Variants in DHPS observed in about 807,000 individuals in gnomAD.
DHPS encodes the protein migration-inducing gene 13.
In DHPS, 24 loss-of-function variants were observed where a neutral mutation model predicts 38.7. The ratio of observed to expected loss-of-function variants is 0.62; its 90% CI spans 0.45 to 0.87. The LOEUF (loss-of-function observed/expected upper bound fraction) is 0.87. Ranked by LOEUF, DHPS falls within the 40% of genes least tolerant of loss-of-function variation. The pLI, the probability that DHPS is intolerant of heterozygous loss-of-function variation, is 0.00. For missense variants in DHPS, 510 were observed against 497.6 expected (o/e 1.02, Z -0.24); for synonymous variants, 250 against 204.4 (o/e 1.22, Z -1.90).
chr19:12,679,387 G>A (rs923314093), intron 5 of DHPS, 70 bp downstream of exon 5: 18 of 1,394,226 alleles, frequency 1.3e-5, no homozygotes, highest in African/African-American at 8.5e-5. Context: ...GAATCCCCAG[G>A]AGGCTGGAAA....
rs140267918 is a variant in DHPS, at chr19:12,680,269, G to A, written c.264C>T (p.Thr88=). 1 of 1,613,992 alleles carries A rather than the reference G, an allele frequency of 6.2e-7. No individual in the cohort carries two copies. The highest frequency in any genetic ancestry group is 1.3e-5 in the African/African-American group (1 of 74,898). The change falls in exon 2 of 9, where the codon ACC becomes ACT. Residue 88 remains threonine (T), a synonymous_variant. Transcript: ENST00000210060. ...AGCTGGTAAGTGGGCGGCGGCTCTG[G>A]GTCAGGTCCGCGTGCTGGTCTTCAT... The part of the protein sequence containing the change: ...SQDEDQHADL[T]QSRRPLTSCT...
rs762625460 is a variant in DHPS, at chr19:12,675,775, G to A, written c.*63C>T. On this transcript the variant is annotated 3_prime_UTR_variant, in exon 9 of 9. Transcript: ENST00000210060. ...ACGTAGCTGACCAAAAAGTAGGGGA[G>A]GGGCTGGGTCTGCAAATTAATAAAT... 24 of 1,567,856 alleles carry A rather than the reference G, an allele frequency of 1.5e-5. No individual in the cohort carries two copies. The East Asian group carries it at 4.8e-4, about 31-fold the overall frequency.
In DHPS at chr19:12,679,818, C is replaced by T. The variant is rs2024738506; in HGVS notation, c.477G>A (p.Arg159=). The change falls in exon 3 of 9, where the codon CGG becomes CGA. Residue 159 remains arginine (R), a synonymous_variant. Coordinates refer to ENST00000210060, the MANE Select transcript of DHPS (RefSeq NM_001930.4). ...GEFSLRGKEL[R]ENGINRIGNL... ...GTTCTCACCTATTGATCCCGTTCTC[C>T]CGGAGCTCCTTCCCCCTGAGGCTAA... 1 of 1,614,144 alleles carries T rather than the reference C, an allele frequency of 6.2e-7. No individual in the cohort carries two copies.
At chr19:12,673,295 GTTC>G (rs1271042531), downstream of DHPS, 7 of 1,612,322 alleles carry the variant, frequency 4.3e-6, no homozygotes, top group Middle Eastern at 1.6e-4. Flanking sequence ...ACGGGAAGGT[GTTC>G]TTCTGGGACC....
rs150173480 is a variant in DHPS, at chr19:12,676,023, G to A, written c.1008C>T (p.Pro336=). 1.7e-5 allele frequency: 28 copies of A among 1,613,720 alleles called. No individual in the cohort carries two copies. The highest frequency in any genetic ancestry group is 2.7e-5 in the African/African-American group (2 of 74,902). ...SWGKIRVDAQ[P]VKVYADASLV... ...CCACCCAGCCAGCGCTTACCTTGAC[G>A]GGCTGTGCATCCACCCGGATCTTGC... is the stretch of plus-strand genomic sequence containing the variant. Residue 336 remains proline (P), a synonymous_variant, in exon 8 of 9, where the codon CCC becomes CCT. Coordinates refer to ENST00000210060, the MANE Select transcript of DHPS (RefSeq NM_001930.4).
chr19:12,677,349 G>C lies in DHPS; in HGVS notation c.726C>G (p.Gly242=), dbSNP rs371100778. Residue 242 remains glycine (G), a synonymous_variant, in exon 6 of 9, where the codon GGC becomes GGG. Transcript: ENST00000210060. ...FSPALTDGSL[G]DMIFFHSYKN... ...TGTAGGAATGGAAGAAGATCATGTC[G>C]CCCAGCGAGCCGTCTGTAAGTGCGG... 7 of 1,614,126 alleles carry C rather than the reference G, an allele frequency of 4.3e-6. No homozygotes were observed. Among genetic ancestry groups the C allele is most frequent in the Non-Finnish European group, 5.9e-6 (7 of 1,180,022 alleles).
rs2024760584 is a variant in DHPS, at chr19:12,680,255, G to A, written c.278C>T (p.Pro93Leu). ...QHADLTQSRR[P>L]LTSCTIFLGY... ...CAGGAAAATGGTGCAGCTGGTAAGT[G>A]GGCGGCGGCTCTGGGTCAGGTCCGC... The change falls in exon 2 of 9, where the codon CCA (proline) becomes CTA (leucine). Residue 93 changes from proline (P) to leucine (L), a missense_variant. Physicochemically the swap from Pro to Leu is moderately conservative, Grantham distance 98. Coordinates refer to ENST00000210060, the MANE Select transcript of DHPS (RefSeq NM_001930.4). 1.2e-6 allele frequency: 2 copies of A among 1,614,138 alleles called. No individual in the cohort carries two copies. The highest frequency in any genetic ancestry group is 2.2e-5 in the East Asian group (1 of 44,882).
chr19:12,673,410 C>CTTTT (rs58676851), downstream of DHPS: 44 of 247,964 alleles, frequency 1.8e-4, no homozygotes, highest in South Asian at 3.2e-4. Context: ...AGGCTAGGAT[C>CTTTT]TTTTTTTTTT....
At position 12,679,800 on chromosome 19, in the gene DHPS, C is replaced by A; in HGVS notation, c.494+1G>T. The A allele has an allele frequency of 6.2e-7, 1 of 1,614,070 alleles. No individual in the cohort carries two copies. Among genetic ancestry groups the A allele is most frequent in the Non-Finnish European group, 8.5e-7 (1 of 1,179,952 alleles). ...TGCCCAACACCACTCAGGGTTCTCA[C>A]CTATTGATCCCGTTCTCCCGGAGCT... On this transcript the variant is annotated splice_donor_variant, in intron 3 of 8. Coordinates refer to ENST00000210060, the MANE Select transcript of DHPS (RefSeq NM_001930.4). LOFTEE classifies it high-confidence loss of function.
chr19:12,681,577 G>A lies in DHPS; in HGVS notation c.190C>T (p.Gln64Ter). The A allele has an allele frequency of 6.2e-7, 1 of 1,614,270 alleles. No individual in the cohort carries two copies. The highest frequency in any genetic ancestry group is 8.5e-7 in the Non-Finnish European group (1 of 1,180,054). ...FQATNFGRAV[Q>*]QVNAMIEKKL... ...GTCCTCACCATGGCATTGACTTGCTGTACAGCGCGCCCGAAGTTGGTTGCT... is the reference window on the plus strand; with the variant it reads ...GTCCTCACCATGGCATTGACTTGCTATACAGCGCGCCCGAAGTTGGTTGCT... Residue 64 changes from glutamine to a stop codon, truncating the protein, a stop_gained, in exon 1 of 9, where the codon CAG becomes TAG. Coordinates refer to ENST00000210060, the MANE Select transcript of DHPS (RefSeq NM_001930.4). LOFTEE classifies it high-confidence loss of function.
At chr19:12,678,955 A>G (rs1339625715) in intron 5 of DHPS, among the ~76,000 whole-genome samples, 1 of 151,580 alleles carries the variant, frequency 6.6e-6, no homozygotes, top group African/African-American at 2.4e-5. Flanking sequence ...TGGGAGGAGC[A>G]TAAGGATGCT....
chr19:12,681,598 T>C lies in DHPS; in HGVS notation c.169A>G (p.Thr57Ala), dbSNP rs746560983. The change falls in exon 1 of 9, where the codon ACC becomes GCC. Residue 57 changes from threonine (T) to alanine (A), a missense_variant. Physicochemically the swap from Thr to Ala is moderately conservative, Grantham distance 58. Transcript: ENST00000210060. ...EAFGTTGFQA[T>A]NFGRAVQQVN... ...TGCTGTACAGCGCGCCCGAAGTTGG[T>C]TGCTTGGAAGCCGGTGGTGCCGAAG... is the stretch of plus-strand genomic sequence containing the variant. 1.9e-6 allele frequency: 3 copies of C among 1,614,252 alleles called. No individual in the cohort carries two copies. The highest frequency in any genetic ancestry group is 2.2e-5 in the East Asian group (1 of 44,892).
downstream of DHPS, among the ~76,000 whole-genome samples, chr19:12,674,232 C>T (rs115169443): frequency 0.035 from 5,349 of 152,260 alleles, 318 homozygotes; most frequent in African/African-American, 0.12. Flanking sequence ...GATAGGGCTG[C>T]AGTCATTCAA....
chr19:12,673,094 GAC>G, downstream of DHPS: 2 of 1,613,200 alleles, frequency 1.2e-6, no homozygotes, highest in Non-Finnish European at 8.5e-7. Context: ...CCTGGACAAA[GAC>G]ACAGGGGAGC....
chr19:12,681,148 G>C (rs763020660), intron 1 of DHPS: 54 of 1,277,590 alleles, frequency 4.2e-5, no homozygotes, highest in Non-Finnish European at 5.5e-5. Flanking sequence ...CACCCTTTTA[G>C]GAATCAGAGA....
At chr19:12,681,078 C>A in intron 1 of DHPS, 2 of 1,221,270 alleles carry the variant, frequency 1.6e-6, no homozygotes, top group Non-Finnish European at 2.1e-6. Context: ...TTGATCCACC[C>A]GCCTCGGCTT....
At position 12,677,163 on chromosome 19, in the gene DHPS, A is replaced by C. The variant is rs2145348626; in HGVS notation, c.833T>G (p.Met278Arg). The change falls in exon 7 of 9, where the codon ATG (methionine) becomes AGG (arginine). Residue 278 changes from methionine (M) to arginine (R), a missense_variant. Physicochemically the swap from Met to Arg is moderately conservative, Grantham distance 91 (BLOSUM62 -1). Coordinates refer to ENST00000210060, the MANE Select transcript of DHPS (RefSeq NM_001930.4). ...GACCACGCCCCCGCCCAGAATGATCATCCCAGTGCACTTGGCAAAGATGGC... is the reference window on the plus strand; with the variant it reads ...GACCACGCCCCCGCCCAGAATGATCCTCCCAGTGCACTTGGCAAAGATGGC... Reference protein sequence around the residue: ...TQAIFAKCTGMIILGGGVVKH... With the variant: ...TQAIFAKCTGRIILGGGVVKH... 1 of 1,614,198 alleles carries C rather than the reference A, an allele frequency of 6.2e-7. No homozygotes were observed. The highest frequency in any genetic ancestry group is 8.5e-7 in the Non-Finnish European group (1 of 1,180,042).
chr19:12,674,833 C>T (rs575590747), downstream of DHPS, among the ~76,000 whole-genome samples: 100 of 152,072 alleles, frequency 6.6e-4, no homozygotes, highest in Non-Finnish European at 1.1e-3. Context: ...AAAAGACTCC[C>T]GGCCAGGCAT....
intron 1 of DHPS, chr19:12,681,155 G>C (rs762341472): frequency 8.3e-5 from 106 of 1,279,474 alleles, no homozygotes; most frequent in Non-Finnish European, 1.1e-5. Context: ...TTAGGAATCA[G>C]AGAGCATCTC....
Sources: allele counts gnomAD v4.1 joint callset (sites outside exome capture counted in the v4.1 genomes callset), GRCh38; gene constraint gnomAD v4.1.1; transcripts MANE v1.5; gene names NCBI Gene and HGNC (gene_info 2026-07-23, HGNC 2026-07-21).